Variants in CCNY observed in about 807,000 individuals in gnomAD.
The protein encoded by CCNY is cyclin Y.
A neutral mutation model predicts 42.8 loss-of-function variants in CCNY; 19 were observed. The ratio of observed to expected loss-of-function variants is 0.44; its 90% confidence interval spans 0.31 to 0.65. The LOEUF (loss-of-function observed/expected upper bound fraction) is 0.65, where lower values mean the gene tolerates loss of function less well. Ranked by LOEUF, CCNY falls within the 30% of genes least tolerant of loss-of-function variation. CCNY has a pLI of 0.07. For synonymous variants in CCNY, 165 were observed against 162.7 expected (o/e 1.01, Z -0.11); for missense variants, 370 against 437.3 (o/e 0.85, Z 1.37).
intron 4 of CCNY, among the ~76,000 whole-genome samples, chr10:35,521,040 C>T (rs1221178004): frequency 6.6e-6 from 1 of 152,202 alleles, no homozygotes; most frequent in African/African-American, 2.4e-5. Context: ...TAGAACTCAC[C>T]CCCTCTTGCC....
intron 1 of CCNY, among the ~76,000 whole-genome samples, chr10:35,341,587 T>C (rs1332945840): frequency 5.3e-5 from 8 of 152,194 alleles, no homozygotes; most frequent in Admixed American, 5.2e-4. Flanking sequence ...TAAATATTTG[T>C]TGAATGAATT....
At position 35,572,523 on chromosome 10, in the gene CCNY, A is replaced by G. The variant is rs1019483867; in HGVS notation, c.*3353A>G. On this transcript the variant is annotated 3_prime_UTR_variant, in exon 10 of 10. Coordinates refer to ENST00000374704, the MANE Select transcript of CCNY (RefSeq NM_145012.6). ...TCAAACTCCTGACCTCAAGTGATCC[A>G]CCCCCCTCAGCCTCCCAAAGTGCTG... is the stretch of plus-strand genomic sequence containing the variant. 3 of 150,932 alleles carry G rather than the reference A, an allele frequency of 2.0e-5. No individual in the cohort carries two copies. Among genetic ancestry groups the G allele is most frequent in the Admixed American group, 2.0e-4 (3 of 15,142 alleles). 9.3% of individuals were successfully genotyped at this position (150,932 alleles called of 1,614,324 possible).
intron 1 of CCNY, among the ~76,000 whole-genome samples, chr10:35,408,328 AG>A (rs1837828264): frequency 6.6e-6 from 1 of 152,220 alleles, no homozygotes; most frequent in African/African-American, 2.4e-5. Context: ...ACCACAAAAC[AG>A]GCTTTGTGTG....
intron 3 of CCNY, among the ~76,000 whole-genome samples, chr10:35,285,313 G>A (rs1835340969): frequency 6.6e-6 from 1 of 152,172 alleles, no homozygotes; most frequent in Non-Finnish European, 1.5e-5. Flanking sequence ...TGAGATTACA[G>A]GCAGGAGCCA....
intron 3 of CCNY, among the ~76,000 whole-genome samples, chr10:35,278,414 G>A (rs897048599): frequency 5.3e-5 from 8 of 151,494 alleles, no homozygotes; most frequent in South Asian, 2.1e-4. Flanking sequence ...TCCATACTCC[G>A]CCCAACACTA....
At chr10:35,468,199 TG>T (rs1839309414) in intron 1 of CCNY, among the ~76,000 whole-genome samples, 1 of 152,202 alleles carries the variant, frequency 6.6e-6, no homozygotes, top group Admixed American at 6.5e-5. Context: ...TAACCTCACA[TG>T]GCAAAAGGGG....
intron 3 of CCNY, among the ~76,000 whole-genome samples, chr10:35,327,243 A>T (rs1295657396): frequency 6.6e-6 from 1 of 152,198 alleles, no homozygotes; most frequent in East Asian, 1.9e-4. Flanking sequence ...CCCTAAAAAC[A>T]TCTCTTTGCA....
At chr10:35,335,691 A>T (rs1326451913), upstream of CCNY, among the ~76,000 whole-genome samples, 1 of 152,068 alleles carries the variant, frequency 6.6e-6, no homozygotes, top group Non-Finnish European at 1.5e-5. Flanking sequence ...CATCTCTACA[A>T]AAAGTTAACA....
intron 3 of CCNY, among the ~76,000 whole-genome samples, chr10:35,277,709 A>G (rs1835254793): frequency 6.6e-6 from 1 of 151,238 alleles, no homozygotes. Flanking sequence ...AGTGCATCCT[A>G]TGCCCATGTA....
chr10:35,493,282 T>G (rs1331977037), intron 2 of CCNY, among the ~76,000 whole-genome samples: 2 of 152,158 alleles, frequency 1.3e-5, no homozygotes, highest in Non-Finnish European at 2.9e-5. Flanking sequence ...GAATAGAGGT[T>G]AGCAGGGATA....
chr10:35,493,131 G>T (rs1024352761), intron 2 of CCNY, among the ~76,000 whole-genome samples: 3 of 152,094 alleles, frequency 2.0e-5, no homozygotes, highest in African/African-American at 7.2e-5. Flanking sequence ...TTTCCAGTGT[G>T]GAGAAAGCTG....
chr10:35,479,256 G>A (rs930772156), intron 1 of CCNY, among the ~76,000 whole-genome samples: 13 of 151,750 alleles, frequency 8.6e-5, no homozygotes, highest in African/African-American at 3.2e-4. Context: ...CCATTACTGG[G>A]TATATACCCA....
At chr10:35,413,815 G>T (rs1239027921) in intron 1 of CCNY, among the ~76,000 whole-genome samples, 3 of 152,150 alleles carry the variant, frequency 2.0e-5, no homozygotes. Flanking sequence ...GCACTGAAGC[G>T]GGAAATGCGG....
intron 1 of CCNY, among the ~76,000 whole-genome samples, chr10:35,383,266 G>A (rs1047745048): frequency 6.6e-6 from 1 of 151,908 alleles, no homozygotes; most frequent in Non-Finnish European, 1.5e-5. Context: ...ATGAAACTTA[G>A]TAAAGTAGGA....
At chr10:35,298,354 T>C (rs143735922) in intron 3 of CCNY, among the ~76,000 whole-genome samples, 242 of 152,358 alleles carry the variant, frequency 1.6e-3, no homozygotes, top group African/African-American at 5.3e-3. Context: ...CTGATTTGCT[T>C]TGTGTCACTA....
chr10:35,566,496 C>G (rs1221872136), intron 9 of CCNY, among the ~76,000 whole-genome samples: 1 of 152,134 alleles, frequency 6.6e-6, no homozygotes, highest in African/African-American at 2.4e-5. Flanking sequence ...TGCCTGCCAC[C>G]ACACCCGGTT....
chr10:35,472,134 T>C (rs1199260160), intron 1 of CCNY, among the ~76,000 whole-genome samples: 3 of 152,196 alleles, frequency 2.0e-5, no homozygotes, highest in Non-Finnish European at 2.9e-5. Flanking sequence ...GGGGACCCTA[T>C]TGTGTGGTGG....
intron 1 of CCNY, among the ~76,000 whole-genome samples, chr10:35,346,446 A>C (rs1430850100): frequency 6.6e-6 from 1 of 152,206 alleles, no homozygotes; most frequent in African/African-American, 2.4e-5. Context: ...TGGATCCCAC[A>C]CATCAGCAAG....
At chr10:35,289,307 G>A (rs1835386455) in intron 3 of CCNY, 1 of 152,018 alleles carries the variant, frequency 6.6e-6, no homozygotes, top group Non-Finnish European at 1.5e-5. Flanking sequence ...TTCCACACAT[G>A]TAGTCATGAC....
Sources: allele counts gnomAD v4.1 joint callset (sites outside exome capture counted in the v4.1 genomes callset), GRCh38; gene constraint gnomAD v4.1.1; transcripts MANE v1.5; gene names NCBI Gene and HGNC (gene_info 2026-07-23, HGNC 2026-07-21).